DAB1: variants seen among roughly 807,000 people sequenced by gnomAD.
DAB1 encodes the protein disabled homolog 1.
In DAB1, 15 loss-of-function variants were observed where a neutral mutation model predicts 64.6. The observed-to-expected ratio is 0.23, with a 90% CI of 0.16 to 0.36. The LOEUF is 0.36. Among genes scored for constraint, DAB1 ranks in the 10% least tolerant of loss-of-function variants. The pLI, the probability that DAB1 is intolerant of heterozygous loss-of-function variation, is 1.00. For synonymous variants in DAB1, 235 were observed against 251.9 expected (o/e 0.93, Z 0.64); for missense variants, 596 against 706.7 (o/e 0.84, Z 1.78).
chr1:57,318,915 T>C (rs1675449134), intron 1 of DAB1, among the ~76,000 whole-genome samples: 1 of 152,098 alleles, frequency 6.6e-6, no homozygotes, highest in Non-Finnish European at 1.5e-5. Flanking sequence ...GCCAAGATCA[T>C]GTATAAAAAT....
intron 1 of DAB1, among the ~76,000 whole-genome samples, chr1:57,347,145 A>G (rs1410361058): frequency 2.0e-5 from 3 of 152,200 alleles, no homozygotes; most frequent in Non-Finnish European, 4.4e-5. Flanking sequence ...GGGGAGGTGA[A>G]GCTGTCAACA....
At chr1:58,282,809 T>C (rs1661593252) in intron 4 of DAB1, among the ~76,000 whole-genome samples, 1 of 152,218 alleles carries the variant, frequency 6.6e-6, no homozygotes, top group African/African-American at 2.4e-5. Context: ...CAAAAGAGTT[T>C]GGGAGAAGAG....
rs145213741 is a variant in DAB1 at position 58,444,638 on chromosome 1, C to T, written n.257+61422G>A. Among the ~76,000 whole-genome samples, 67 of 152,246 alleles carry T rather than the reference C, an allele frequency of 4.4e-4. No homozygotes were observed. In the East Asian group the frequency reaches 9.3e-3, roughly 21 times the overall value. On this transcript the variant is annotated intron_variant and non_coding_transcript_variant, in intron 3 of 20. Transcript: ENST00000485760. ...CACCCTGATTCTTGCATGTTTCTGC[C>T]CCGAAGTGATGCACATCTCTTGCAC... is the stretch of plus-strand genomic sequence containing the variant.
intron 7 of DAB1, among the ~76,000 whole-genome samples, chr1:57,613,904 C>T (rs1353139328): frequency 6.6e-6 from 1 of 152,094 alleles, no homozygotes; most frequent in Non-Finnish European, 1.5e-5. Flanking sequence ...TTGTTCTTTG[C>T]TCTAGTAGAA....
intron 2 of DAB1, among the ~76,000 whole-genome samples, chr1:57,152,828 T>G (rs1160351919): frequency 6.6e-6 from 1 of 152,228 alleles, no homozygotes; most frequent in East Asian, 1.9e-4. Flanking sequence ...CCACATATGT[T>G]AAATCTAGGA....
chr1:57,859,130 G>A (rs1653890468), intron 1 of DAB1, among the ~76,000 whole-genome samples: 1 of 152,108 alleles, frequency 6.6e-6, no homozygotes, highest in Non-Finnish European at 1.5e-5. Flanking sequence ...TTTCTGGTCT[G>A]TACCTTTCAG....
At chr1:57,937,024 CT>C (rs1339479102) in intron 5 of DAB1, among the ~76,000 whole-genome samples, 1 of 151,706 alleles carries the variant, frequency 6.6e-6, no homozygotes, top group Admixed American at 6.6e-5. Flanking sequence ...GGGGGGTTGT[CT>C]TTTTTTTAAC....
At chr1:57,255,653 A>G (rs1438784991) in intron 2 of DAB1, among the ~76,000 whole-genome samples, 2 of 152,166 alleles carry the variant, frequency 1.3e-5, no homozygotes, top group African/African-American at 4.8e-5. Context: ...AGAGAGACCC[A>G]GGTTCAAAAA....
At chr1:57,998,550 G>C (rs1206185476) in intron 5 of DAB1, among the ~76,000 whole-genome samples, 1 of 152,098 alleles carries the variant, frequency 6.6e-6, no homozygotes, top group African/African-American at 2.4e-5. Flanking sequence ...CTTTAGTAGA[G>C]ACGGGGTTTC....
intron 7 of DAB1, among the ~76,000 whole-genome samples, chr1:57,512,792 G>T (rs952225389): frequency 1.3e-5 from 2 of 152,206 alleles, no homozygotes; most frequent in African/African-American, 4.8e-5. Context: ...AAATGAGGAG[G>T]TGAATGAGAT....
At chr1:58,118,565 CAT>C (rs58370609) in intron 5 of DAB1, among the ~76,000 whole-genome samples, 31,012 of 93,014 alleles carry the variant, frequency 0.33, 5,807 homozygotes, top group African/African-American at 0.57. Flanking sequence ...ATATAAAATA[CAT>C]ATATATATAT....
intron 2 of DAB1, among the ~76,000 whole-genome samples, chr1:57,190,906 G>A (rs1664067409): frequency 6.6e-6 from 1 of 152,150 alleles, no homozygotes; most frequent in Non-Finnish European, 1.5e-5. Flanking sequence ...TGGTACAAAG[G>A]ACTTCTGATC....
intron 5 of DAB1, among the ~76,000 whole-genome samples, chr1:57,941,524 A>G (rs1318788276): frequency 2.0e-5 from 3 of 152,340 alleles, no homozygotes; most frequent in African/African-American, 4.8e-5. Flanking sequence ...TATTGTTGTC[A>G]TTGTTTTTAT....
At chr1:58,483,149 A>T (rs1645517579) in intron 3 of DAB1, among the ~76,000 whole-genome samples, 1 of 152,152 alleles carries the variant, frequency 6.6e-6, no homozygotes, top group Non-Finnish European at 1.5e-5. Flanking sequence ...AGCTCTTGCC[A>T]CTAGCCTGCC....
chr1:58,045,934 A>AT (rs1647235156), intron 5 of DAB1, among the ~76,000 whole-genome samples: 1 of 103,994 alleles, frequency 9.6e-6, no homozygotes, highest in Non-Finnish European at 2.1e-5. Context: ...CAAGATTATC[A>AT]ATTTTTTTTT....
chr1:57,723,062 A>T (rs1278101046), intron 6 of DAB1, among the ~76,000 whole-genome samples: 2 of 152,170 alleles, frequency 1.3e-5, no homozygotes, highest in Admixed American at 6.5e-5. Flanking sequence ...TCTACCACTG[A>T]TATTGCAATC....
chr1:58,140,896 G>C (rs939892973), intron 5 of DAB1, among the ~76,000 whole-genome samples: 1 of 152,176 alleles, frequency 6.6e-6, no homozygotes, highest in African/African-American at 2.4e-5. Context: ...AGAGGATGAG[G>C]AAACTCAATC....
chr1:58,429,705 T>G (rs1035894259), intron 3 of DAB1, among the ~76,000 whole-genome samples: 1 of 152,112 alleles, frequency 6.6e-6, no homozygotes, highest in African/African-American at 2.4e-5. Context: ...ATGGTCCAAT[T>G]TGGTGTCTTC....
chr1:57,366,075 G>T (rs1187067882), intron 1 of DAB1, among the ~76,000 whole-genome samples: 2 of 152,138 alleles, frequency 1.3e-5, no homozygotes, highest in African/African-American at 4.8e-5. Context: ...CTGTCCAAAT[G>T]TGTCCTGCTC....
Sources: allele counts gnomAD v4.1 joint callset (sites outside exome capture counted in the v4.1 genomes callset), GRCh38; gene constraint gnomAD v4.1.1; transcripts MANE v1.5; gene names NCBI Gene and HGNC (gene_info 2026-07-23, HGNC 2026-07-21).